LRP1B: variants seen among roughly 807,000 people sequenced by gnomAD.
LRP1B encodes the protein low-density lipoprotein receptor-related protein 1B.
LRP1B carries 217 observed loss-of-function variants against 556.6 expected under a neutral mutation model. That is an observed-to-expected ratio of 0.39 (90% confidence interval 0.35 to 0.44). The LOEUF is 0.44. Among genes scored for constraint, LRP1B ranks in the 20% least tolerant of loss-of-function variants. The probability of loss-of-function intolerance (pLI) is 1.00; values close to 1 mark genes in which losing one functional copy is unlikely to be tolerated. For missense variants in LRP1B, 5,053 were observed against 5,620.8 expected (o/e 0.90, Z 3.23); for synonymous variants, 2,047 against 1,865.8 (o/e 1.10, Z -2.50).
intron 84 of LRP1B, among the ~76,000 whole-genome samples, chr2:140,284,865 T>C (rs1456548818): frequency 6.6e-6 from 1 of 150,818 alleles, no homozygotes; most frequent in East Asian, 2.0e-4. Flanking sequence ...TAGAAATCTC[T>C]ATGTATATAT....
chr2:141,397,768 G>A (rs900138695), intron 3 of LRP1B, among the ~76,000 whole-genome samples: 7 of 150,594 alleles, frequency 4.6e-5, no homozygotes, highest in Non-Finnish European at 7.4e-5. Flanking sequence ...GAAGGCTGGT[G>A]GTAAAAATTT....
intron 1 of LRP1B, among the ~76,000 whole-genome samples, chr2:141,879,180 T>TA: frequency 6.6e-6 from 1 of 152,000 alleles, no homozygotes; most frequent in Non-Finnish European, 1.5e-5. Context: ...CTTATATTAA[T>TA]AAGCAGAGAT....
At chr2:140,375,947 A>G (rs1221876549) in intron 68 of LRP1B, among the ~76,000 whole-genome samples, 3 of 151,902 alleles carry the variant, frequency 2.0e-5, no homozygotes, top group South Asian at 2.1e-4. Context: ...TATCTTCACA[A>G]TTCTCCCAAT....
At chr2:141,285,910 C>CA (rs1246877190) in intron 3 of LRP1B, among the ~76,000 whole-genome samples, 9 of 148,638 alleles carry the variant, frequency 6.1e-5, no homozygotes, top group African/African-American at 1.7e-4. Context: ...ACTAAAAATA[C>CA]AAAAAAATTA....
At chr2:140,796,102 C>T (rs950481795) in intron 32 of LRP1B, among the ~76,000 whole-genome samples, 1 of 151,960 alleles carries the variant, frequency 6.6e-6, no homozygotes, top group East Asian at 1.9e-4. Flanking sequence ...TACATACACA[C>T]ATTTTCAAAT....
chr2:141,572,701 A>G (rs1365876226), intron 2 of LRP1B, among the ~76,000 whole-genome samples: 1 of 152,216 alleles, frequency 6.6e-6, no homozygotes, highest in Non-Finnish European at 1.5e-5. Context: ...ATGTGCAAAG[A>G]CATACATAGG....
intron 1 of LRP1B, among the ~76,000 whole-genome samples, chr2:142,087,465 A>G (rs931100714): frequency 1.3e-5 from 2 of 151,858 alleles, no homozygotes; most frequent in African/African-American, 4.8e-5. Context: ...ATGGACCTCC[A>G]AAGAGAAATT....
In LRP1B at chr2:140,350,924, C is replaced by A. The variant is rs1167904406; in HGVS notation, c.11765G>T (p.Arg3922Ile). ...ATAATATACATCCATCCCTGTTATT[C>A]TTGAATTATGTTCAATATGAGAAAT... ...QQISHIEHNS[R>I]ITGMDVYYQR... The change falls in exon 77 of 91, where the codon AGA becomes ATA. Residue 3922 changes from arginine (R) to isoleucine (I), a missense_variant. Physicochemically the swap from Arg to Ile is moderately conservative, Grantham distance 97. Transcript: ENST00000389484. The A allele has an allele frequency of 6.2e-7, 1 of 1,611,006 alleles. No individual in the cohort carries two copies. Among genetic ancestry groups the A allele is most frequent in the East Asian group, 2.2e-5 (1 of 44,614 alleles).
At chr2:142,061,512 A>C (rs1206295716) in intron 1 of LRP1B, among the ~76,000 whole-genome samples, 1 of 152,030 alleles carries the variant, frequency 6.6e-6, no homozygotes, top group Non-Finnish European at 1.5e-5. Flanking sequence ...AATATAACAC[A>C]AGGTAGTGCA....
chr2:140,601,190 A>G (rs977196630), intron 42 of LRP1B, among the ~76,000 whole-genome samples: 3 of 151,434 alleles, frequency 2.0e-5, no homozygotes, highest in African/African-American at 2.4e-5. Flanking sequence ...CTTTTCCAGC[A>G]TGGTATTGTC....
At chr2:140,239,757 C>G (rs1252162254) in intron 87 of LRP1B, among the ~76,000 whole-genome samples, 1 of 150,840 alleles carries the variant, frequency 6.6e-6, no homozygotes, top group Non-Finnish European at 1.5e-5. Flanking sequence ...TTATGTGTTG[C>G]ATTTAAATAC....
intron 43 of LRP1B, among the ~76,000 whole-genome samples, chr2:140,550,110 T>C (rs1435846967): frequency 6.6e-6 from 1 of 151,850 alleles, no homozygotes; most frequent in African/African-American, 2.4e-5. Context: ...TGAGTCGTTG[T>C]GAGTTTTGAG....
At chr2:140,390,626 C>T (rs952280440) in intron 66 of LRP1B, among the ~76,000 whole-genome samples, 1 of 151,824 alleles carries the variant, frequency 6.6e-6, no homozygotes, top group South Asian at 2.1e-4. Context: ...TAAAAGACAC[C>T]ATTAACCAAC....
At chr2:140,274,962 T>C (rs1682607938) in intron 84 of LRP1B, among the ~76,000 whole-genome samples, 1 of 152,032 alleles carries the variant, frequency 6.6e-6, no homozygotes, top group South Asian at 2.1e-4. Context: ...ATGTCATTTA[T>C]TGTTGCCTCC....
chr2:141,837,028 G>A (rs1574413492), intron 1 of LRP1B, among the ~76,000 whole-genome samples: 1 of 151,900 alleles, frequency 6.6e-6, no homozygotes. Flanking sequence ...CCTTATTTTG[G>A]TGAGATGGAG....
At chr2:141,043,264 A>C (rs1160744018) in intron 11 of LRP1B, among the ~76,000 whole-genome samples, 2 of 150,408 alleles carry the variant, frequency 1.3e-5, no homozygotes, top group Non-Finnish European at 3.0e-5. Context: ...ATAAAATAAA[A>C]AGAAAAAGAA....
chr2:140,485,126 A>C (rs939112088), intron 59 of LRP1B, among the ~76,000 whole-genome samples: 1 of 152,186 alleles, frequency 6.6e-6, no homozygotes, highest in African/African-American at 2.4e-5. Context: ...GCTGTGTTTA[A>C]AACTTTAAAA....
At chr2:140,937,084 GATA>G (rs1414729546) in intron 20 of LRP1B, among the ~76,000 whole-genome samples, 2 of 152,072 alleles carry the variant, frequency 1.3e-5, no homozygotes, top group Admixed American at 1.3e-4. Flanking sequence ...TAACCACAAA[GATA>G]ATAAGCTATA....
At chr2:140,426,215 C>T (rs919174587) in intron 66 of LRP1B, among the ~76,000 whole-genome samples, 6 of 152,132 alleles carry the variant, frequency 3.9e-5, no homozygotes, top group Non-Finnish European at 7.4e-5. Context: ...TAATACCTGG[C>T]TTTGAAATGA....
Sources: gnomAD v4.1 joint callset for allele counts (sites outside exome capture counted in the v4.1 genomes callset) on GRCh38, gnomAD v4.1.1 for gene constraint, MANE v1.5 for transcripts, NCBI Gene and HGNC (gene_info 2026-07-23, HGNC 2026-07-21) for gene names.